Variants in AKNAD1 observed in about 807,000 individuals in gnomAD.
AKNAD1 encodes the protein AKNA domain containing 1.
A neutral mutation model predicts 90.8 loss-of-function variants in AKNAD1; 67 were observed. The ratio of observed to expected loss-of-function variants is 0.74; its 90% CI spans 0.61 to 0.90. The LOEUF is 0.90. AKNAD1 is among the 40% of genes least tolerant of loss of function. The pLI is 0.00. For synonymous variants in AKNAD1, 327 were observed against 341.4 expected, an observed-to-expected ratio of 0.96 and a Z score of 0.46; for missense variants, 957 against 975.4, an observed-to-expected ratio of 0.98 and a Z score of 0.25.
chr1:108,821,717 C>T (rs1196825851), intron 13 of AKNAD1, among the ~76,000 whole-genome samples: 1 of 151,954 alleles, frequency 6.6e-6, no homozygotes, highest in Non-Finnish European at 1.5e-5. Context: ...AGTCTAAACA[C>T]AGAAGGAAAA....
At chr1:108,834,658 G>C (rs1040596830) in intron 8 of AKNAD1, 130 bp from the exon 9 acceptor site, 7 of 979,538 alleles carry the variant, frequency 7.1e-6, no homozygotes, top group African/African-American at 1.6e-5. Flanking sequence ...GGCAGAGAGT[G>C]CTATGGGCCT....
At chr1:108,843,413 G>T in intron 5 of AKNAD1, 146 bp from the exon 6 acceptor site, 1 of 983,462 alleles carries the variant, frequency 1.0e-6, no homozygotes, top group Non-Finnish European at 1.5e-6. Flanking sequence ...TTTTGTCTCA[G>T]AGTCTGACAT....
chr1:108,850,826 C>A (rs1007620769), intron 2 of AKNAD1, among the ~76,000 whole-genome samples: 5 of 152,064 alleles, frequency 3.3e-5, no homozygotes, highest in Non-Finnish European at 5.9e-5. Context: ...ATGGATTTAC[C>A]TTACTATTGG....
chr1:108,855,156 G>A (rs1001594629), intron 1 of AKNAD1, among the ~76,000 whole-genome samples: 1 of 152,232 alleles, frequency 6.6e-6, no homozygotes, highest in African/African-American at 2.4e-5. Flanking sequence ...GCTCATGCCT[G>A]TAATCCCAGC....
chr1:108,827,689 C>T (rs1397695976), intron 10 of AKNAD1, among the ~76,000 whole-genome samples: 1 of 150,698 alleles, frequency 6.6e-6, no homozygotes, highest in African/African-American at 2.4e-5. Context: ...TAGTGGGTGC[C>T]TGTAGTCCCA....
At chr1:108,835,182 CCT>C in intron 7 of AKNAD1, 126 bp from the exon 8 acceptor site, 5 of 1,016,108 alleles carry the variant, frequency 4.9e-6, no homozygotes, top group Non-Finnish European at 6.9e-6. Context: ...TCCCCCCACC[CCT>C]GTCTCCCCCA....
At chr1:108,847,591 T>C (rs868939) in intron 5 of AKNAD1, among the ~76,000 whole-genome samples, 138,084 of 151,362 alleles carry the variant, frequency 0.91, 63,192 homozygotes, top group East Asian at 0.99. Context: ...TCCCAAGTGC[T>C]GTATGGTAAA....
intron 13 of AKNAD1, among the ~76,000 whole-genome samples, chr1:108,822,114 A>G (rs958890732): frequency 1.4e-4 from 22 of 151,928 alleles, no homozygotes; most frequent in African/African-American, 5.3e-4. Context: ...GTAATTTTGG[A>G]TTTTACTGGA....
chr1:108,823,819 G>T, intron 11 of AKNAD1, 131 bp from the exon 12 acceptor site: 1 of 1,408,036 alleles, frequency 7.1e-7, no homozygotes, highest in Non-Finnish European at 9.6e-7. Flanking sequence ...TCCCGGCTGT[G>T]TCACCAAGAG....
intron 9 of AKNAD1, among the ~76,000 whole-genome samples, chr1:108,834,173 G>A (rs1450005597): frequency 6.6e-6 from 1 of 152,112 alleles, no homozygotes; most frequent in Non-Finnish European, 1.5e-5. Context: ...CTGATTCAGA[G>A]CCTGCATTTT....
intron 2 of AKNAD1, 45 bp downstream of exon 2, chr1:108,851,627 G>A (rs1343643725): frequency 6.7e-7 from 1 of 1,500,640 alleles, no homozygotes; most frequent in Non-Finnish European, 8.9e-7. Context: ...AAAGAGATAA[G>A]CAGTGGTCCC....
intron 14 of AKNAD1, among the ~76,000 whole-genome samples, chr1:108,819,006 T>G (rs1483255268): frequency 6.7e-6 from 1 of 150,184 alleles, no homozygotes; most frequent in African/African-American, 2.4e-5. Context: ...AAGGTCACGT[T>G]CTTAAACACT....
At position 108,856,718 on chromosome 1, in the gene AKNAD1, T is replaced by TAAACACACA. The variant is rs1287589720; in HGVS notation, c.-104+210_-104+211insTGTGTGTTT. On this transcript the variant is annotated intron_variant, in intron 1 of 15. Coordinates refer to ENST00000370001, the MANE Select transcript of AKNAD1 (RefSeq NM_152763.5). The stretch of plus-strand genomic sequence containing the variant: ...AAGACCCTGTCTCTCTCTCTCTCTC[T>TAAACACACA]CACACACACATAAACACACACACAC... Among the ~76,000 whole-genome samples the TAAACACACA allele has an allele frequency of 5.9e-3, 836 of 142,868 alleles. 8 individuals are homozygous for TAAACACACA. The highest frequency in any genetic ancestry group is 7.6e-3 in the Non-Finnish European group (513 of 67,180). 93.7% of individuals were successfully genotyped at this position (142,868 alleles called of 152,430 possible).
At position 108,849,553 on chromosome 1, in the gene AKNAD1, G is replaced by A. The variant is rs748787644; in HGVS notation, c.1017C>T (p.His339=). The A allele has an allele frequency of 1.9e-6, 3 of 1,595,512 alleles. No homozygotes were observed. Among genetic ancestry groups the A allele is most frequent in the Admixed American group, 1.7e-5 (1 of 59,956 alleles). ...CATTAGTACCTGTGAGAAGTTCTTG[G>A]TGGATATGTACTATGGGCTCCATCT... The part of the protein sequence containing the change: ...QIQMEPIVHI[H]QELLTGIESE... Residue 339 remains histidine (H), a synonymous_variant, in exon 3 of 16, where the codon CAC becomes CAT. Transcript: ENST00000370001.
chr1:108,821,216 C>T (rs548211089), intron 13 of AKNAD1, among the ~76,000 whole-genome samples: 1 of 152,092 alleles, frequency 6.6e-6, no homozygotes, highest in African/African-American at 2.4e-5. Flanking sequence ...TTTGGGAGGC[C>T]GAGGTGGGCA....
At chr1:108,835,170 C>T (rs771386695) in intron 7 of AKNAD1, 114 bp from the exon 8 acceptor site, 13 of 1,197,988 alleles carry the variant, frequency 1.1e-5, no homozygotes, top group East Asian at 3.0e-5. Flanking sequence ...TCCTGCCTGG[C>T]GTCCCCCCAC....
intron 15 of AKNAD1, 21 bp from the exon 16 acceptor site, chr1:108,816,323 C>T (rs541645751): frequency 1.4e-5 from 22 of 1,601,758 alleles, no homozygotes; most frequent in Admixed American, 1.7e-5. Flanking sequence ...AAAGTCCACA[C>T]ATTTTAATTA....
At chr1:108,856,214 G>A (rs1011549536) in intron 1 of AKNAD1, among the ~76,000 whole-genome samples, 1 of 151,946 alleles carries the variant, frequency 6.6e-6, no homozygotes, top group African/African-American at 2.4e-5. Context: ...TTCTAGTTTT[G>A]CAAGACTTTT....
At position 108,822,290 on chromosome 1, in the gene AKNAD1, C is replaced by G. The variant is rs554711135; in HGVS notation, c.2167+1080G>C. Among the ~76,000 whole-genome samples the G allele has an allele frequency of 3.3e-5, 5 of 152,256 alleles. No individual in the cohort carries two copies. The East Asian group carries it at 9.6e-4, about 29-fold the overall frequency. ...TGTCTGCTCTAGTTGCTGTAAGGGT[C>G]TTTGTAACCTGGAGGAAAAGCTGCC... is the stretch of plus-strand genomic sequence containing the variant. On this transcript the variant is annotated intron_variant, in intron 13 of 15. Transcript: ENST00000370001.
Sources: allele counts gnomAD v4.1 joint callset (sites outside exome capture counted in the v4.1 genomes callset), GRCh38; gene constraint gnomAD v4.1.1; transcripts MANE v1.5; gene names NCBI Gene and HGNC (gene_info 2026-07-23, HGNC 2026-07-21).